The following RPP38 variants were observed in gnomAD, a reference collection of about 807,000 sequenced individuals.
The protein encoded by RPP38 is ribonuclease P protein subunit p38.
Under a neutral mutation model 1.7 loss-of-function variants are expected in RPP38, and 2 were observed. The observed-to-expected ratio is 1.18, with a 90% CI of 0.48 to 3.70. The LOEUF is 3.70. Among genes scored for constraint, RPP38 ranks in the 30% most tolerant of loss-of-function variants. RPP38 has a pLI of 0.07. For missense variants in RPP38, 358 were observed against 340.1 expected (o/e 1.05, Z -0.41); for synonymous variants, 151 against 131.8 (o/e 1.15, Z -1.00).
rs1845220699 is a variant in RPP38, at chr10:15,104,130, G to A, written c.816G>A (p.Arg272=). ...KKLIPNPNKI[R]KPPKSKKATP... is the part of the protein sequence containing the mutation. Reference sequence around the variant, plus strand: ...TGATTCCAAACCCTAATAAGATAAGGAAACCACCCAAAAGTAAAAAAGCTA... The same window carrying A: ...TGATTCCAAACCCTAATAAGATAAGAAAACCACCCAAAAGTAAAAAAGCTA... Residue 272 remains arginine, a synonymous_variant, in exon 3 of 3, where the codon AGG becomes AGA. Coordinates refer to ENST00000378197, the MANE Select transcript of RPP38 (RefSeq NM_183005.5). The A allele has an allele frequency of 2.6e-6, 4 of 1,554,596 alleles. No homozygotes were observed. Among genetic ancestry groups the A allele is most frequent in the South Asian group, 1.2e-5 (1 of 83,760 alleles).
chr10:15,104,193 A>G lies in RPP38; in HGVS notation c.*27A>G, dbSNP rs1200434124. ...CTTGCATAAACTTGTCATGTCATAC[A>G]GTTTGTGAAAGGACACCTTGTAAAG... is the stretch of plus-strand genomic sequence containing the variant. On this transcript the variant is annotated 3_prime_UTR_variant, in exon 3 of 3. Coordinates refer to ENST00000378197, the MANE Select transcript of RPP38 (RefSeq NM_183005.5). 6.5e-7 allele frequency: 1 copy of G among 1,537,312 alleles called. No homozygotes were observed. Among genetic ancestry groups the G allele is most frequent in the Non-Finnish European group, 8.7e-7 (1 of 1,147,736 alleles).
chr10:15,097,629 C>T lies in RPP38; in HGVS notation c.-267C>T, dbSNP rs939999223. ...AGCTTCCGCGTTTCTAGTCCGGCTC[C>T]TCTGCTGGATTGCAGCGCCGGCTGG... On this transcript the variant is annotated 5_prime_UTR_variant, in exon 1 of 3. Coordinates refer to ENST00000378197, the MANE Select transcript of RPP38 (RefSeq NM_183005.5). The T allele has an allele frequency of 2.0e-5, 3 of 152,332 alleles. No homozygotes were observed. The highest frequency in any genetic ancestry group is 7.2e-5 in the African/African-American group (3 of 41,484). The allele number at this position is 152,332 out of a possible 1,614,324, so 9.4% of individuals were successfully genotyped here. A position where few individuals can be genotyped will look rare whatever the true frequency, so the allele number is the denominator to read the frequency against.
chr10:15,103,898 C>G lies in RPP38; in HGVS notation c.584C>G (p.Ala195Gly). 4 of 1,614,150 alleles carry G rather than the reference C, an allele frequency of 2.5e-6. No homozygotes were observed. The highest frequency in any genetic ancestry group is 3.4e-6 in the Non-Finnish European group (4 of 1,180,020). The change falls in exon 3 of 3, where the codon GCC becomes GGC. Residue 195 changes from alanine (A) to glycine (G), a missense_variant. Physicochemically the swap from Ala to Gly is moderately conservative, Grantham distance 60. Coordinates refer to ENST00000378197, the MANE Select transcript of RPP38 (RefSeq NM_183005.5). ...NTTDFVDEVR[A>G]IIPRVPSLSV... ...ACTGACTTTGTGGACGAAGTAAGAG[C>G]CATCATCCCCAGAGTCCCCAGTTTA...
intron 1 of RPP38, among the ~76,000 whole-genome samples, chr10:15,100,993 T>G (rs902746760): frequency 6.6e-6 from 1 of 152,214 alleles, no homozygotes; most frequent in Admixed American, 6.5e-5. Flanking sequence ...GGGCAGCTTT[T>G]TATAAGCACA....
intron 1 of RPP38, among the ~76,000 whole-genome samples, chr10:15,099,266 T>A (rs1317935615): frequency 2.6e-5 from 4 of 152,034 alleles, no homozygotes; most frequent in African/African-American, 9.7e-5. Flanking sequence ...GACTTGTGCT[T>A]GGTGGGGCCT....
Position 15,103,383 on chromosome 10 carries a change from G to C in RPP38, c.69G>C (p.Thr23=). 2 of 1,613,596 alleles carry C rather than the reference G, an allele frequency of 1.2e-6. No individual in the cohort carries two copies. Among genetic ancestry groups the C allele is most frequent in the Middle Eastern group, 1.6e-4 (1 of 6,062 alleles). ...AGACGAGACCTCTGGTTGTGAAGAC[G>C]TCGTTGAACAACCCATACATCATCC... is the stretch of plus-strand genomic sequence containing the variant. The part of the protein sequence containing the change: ...LRKTRPLVVK[T]SLNNPYIIRW... Residue 23 remains threonine (T), a synonymous_variant, in exon 3 of 3, where the codon ACG becomes ACC. Coordinates refer to ENST00000378197, the MANE Select transcript of RPP38 (RefSeq NM_183005.5).
Position 15,104,050 on chromosome 10 carries a change from C to T in RPP38, c.736C>T (p.Leu246Phe), listed in dbSNP as rs753019590. 1 of 1,614,058 alleles carries T rather than the reference C, an allele frequency of 6.2e-7. No individual in the cohort carries two copies. Among genetic ancestry groups the T allele is most frequent in the Admixed American group, 1.7e-5 (1 of 59,986 alleles). Residue 246 changes from leucine (L) to phenylalanine (F), a missense_variant, in exon 3 of 3, where the codon CTT becomes TTT. Transcript: ENST00000378197. ...AGATCTGTCAAAACCTAAGAGAAAG[C>T]TTGCTGACGGTCGGCAGGCTTCTGT... Reference protein sequence around the residue: ...FEDLSKPKRKLADGRQASVTL... With the variant: ...FEDLSKPKRKFADGRQASVTL...
intron 2 of RPP38, 198 bp downstream of exon 2, chr10:15,102,534 TG>T (rs1845135751): frequency 6.6e-6 from 1 of 152,146 alleles, no homozygotes; most frequent in Admixed American, 6.6e-5. Flanking sequence ...GATAGCATTT[TG>T]GAAAACAGTA....
chr10:15,099,150 C>T lies in RPP38; in HGVS notation c.-130+1384C>T, dbSNP rs148145264. ...TTTGTTGAAGAAAGGAAGGGGCCTG[C>T]GGCTGAGGGTGGGAGTGGTATTCCA... On this transcript the variant is annotated intron_variant, in intron 1 of 2. Coordinates refer to ENST00000378197, the MANE Select transcript of RPP38 (RefSeq NM_183005.5). Among the ~76,000 whole-genome samples, 12 of 152,244 alleles carry T rather than the reference C, an allele frequency of 7.9e-5. No individual in the cohort carries two copies. In the East Asian group the frequency reaches 1.9e-3, roughly 24 times the overall value.
chr10:15,099,083 T>C (rs576608500), intron 1 of RPP38, among the ~76,000 whole-genome samples: 1 of 152,282 alleles, frequency 6.6e-6, no homozygotes, highest in African/African-American at 2.4e-5. Flanking sequence ...GAAAAAATAC[T>C]TAATCTTTAT....
At chr10:15,101,119 A>T (rs1845097200) in intron 1 of RPP38, among the ~76,000 whole-genome samples, 1 of 152,236 alleles carries the variant, frequency 6.6e-6, no homozygotes, top group South Asian at 2.1e-4. Flanking sequence ...GGATTGAAAG[A>T]ACAGAAAACT....
rs960126318 is a variant in RPP38 at position 15,097,561 on chromosome 10, C to T, written c.-335C>T. The T allele has an allele frequency of 1.3e-5, 2 of 152,296 alleles. No homozygotes were observed. Among genetic ancestry groups the T allele is most frequent in the Admixed American group, 6.5e-5 (1 of 15,288 alleles). 9.4% of individuals were successfully genotyped at this position (152,296 alleles called of 1,614,324 possible). ...GCGTGGCCGCAGGACCCGCCGCCCT[C>T]CCGGTTGGGCCGCCCAGTCCCGGGC... On this transcript the variant is annotated 5_prime_UTR_variant, in exon 1 of 3. Transcript: ENST00000378197.
At chr10:15,100,902 C>T (rs897916290) in intron 1 of RPP38, among the ~76,000 whole-genome samples, 3 of 152,108 alleles carry the variant, frequency 2.0e-5, no homozygotes, top group African/African-American at 4.8e-5. Flanking sequence ...AGGCTGGTCT[C>T]GAACTCCTGA....
At chr10:15,099,349 G>A (rs1423239432) in intron 1 of RPP38, among the ~76,000 whole-genome samples, 1 of 152,182 alleles carries the variant, frequency 6.6e-6, no homozygotes, top group Admixed American at 6.5e-5. Flanking sequence ...TAGAGTTTAG[G>A]CGGGGCATGG....
At chr10:15,102,174 A>T (rs368976831) in intron 1 of RPP38, 44 bp from the exon 2 acceptor site, 3 of 148,832 alleles carry the variant, frequency 2.0e-5, no homozygotes, top group East Asian at 2.0e-4. Context: ...CACCACTTGC[A>T]TACTGGAGGT....
At position 15,103,341 on chromosome 10, in the gene RPP38, G is replaced by A; in HGVS notation, c.27G>A (p.Gly9=). MAAAPQAP[G]RGSLRKTRPL... The stretch of plus-strand genomic sequence containing the variant: ...TGGCTGCAGCTCCTCAAGCACCGGG[G>A]CGGGGATCTCTCCGTAAGACGAGAC... The change falls in exon 3 of 3, where the codon GGG becomes GGA. Residue 9 remains glycine, a synonymous_variant. Coordinates refer to ENST00000378197, the MANE Select transcript of RPP38 (RefSeq NM_183005.5). 2 of 1,594,006 alleles carry A rather than the reference G, an allele frequency of 1.3e-6. No individual in the cohort carries two copies. The highest frequency in any genetic ancestry group is 1.7e-6 in the Non-Finnish European group (2 of 1,171,846).
intron 1 of RPP38, among the ~76,000 whole-genome samples, 165 bp downstream of exon 1, chr10:15,097,931 A>G (rs59185024): frequency 0.04 from 6,127 of 151,958 alleles, 392 homozygotes; most frequent in African/African-American, 0.14. Context: ...TTCTTTTCCG[A>G]CTAACATGTA....
chr10:15,098,965 A>T (rs898899921), intron 1 of RPP38, among the ~76,000 whole-genome samples: 2 of 150,426 alleles, frequency 1.3e-5, no homozygotes, highest in African/African-American at 4.9e-5. Context: ...CCTCTGCTGG[A>T]TGTTCCCTAA....
intron 1 of RPP38, among the ~76,000 whole-genome samples, chr10:15,100,605 C>T (rs976791038): frequency 5.9e-5 from 9 of 151,830 alleles, no homozygotes; most frequent in Admixed American, 6.6e-5. Context: ...GGCCCTTTCT[C>T]GGGGCTGTCC....
Sources: allele counts gnomAD v4.1 joint callset (sites outside exome capture counted in the v4.1 genomes callset), GRCh38; gene constraint gnomAD v4.1.1; transcripts MANE v1.5; gene names NCBI Gene and HGNC (gene_info 2026-07-23, HGNC 2026-07-21).